MAGEC3: variants seen among roughly 807,000 people sequenced by gnomAD.
MAGEC3 encodes the protein melanoma-associated antigen C3.
In MAGEC3, 34 loss-of-function variants were observed where a neutral mutation model predicts 35.3. The observed-to-expected ratio is 0.96, with a 90% CI of 0.73 to 1.28. The LOEUF is 1.28. Among genes scored for constraint, MAGEC3 ranks in the 50% most tolerant of loss-of-function variants. The pLI, the probability that MAGEC3 is intolerant of heterozygous loss-of-function variation, is 0.00. For missense variants in MAGEC3, 561 were observed against 483.6 expected (o/e 1.16, Z -1.50); for synonymous variants, 202 against 185.6 (o/e 1.09, Z -0.72).
intron 2 of MAGEC3, among the ~76,000 whole-genome samples, chrX:141,867,199 C>T (rs1296562585): frequency 9.0e-6 from 1 of 111,438 alleles, no homozygotes; most frequent in African/African-American, 3.3e-5. Flanking sequence ...ATTACTGTAG[C>T]CTTACAGTTG....
intron 3 of MAGEC3, among the ~76,000 whole-genome samples, 155 bp downstream of exon 3, chrX:141,879,586 C>T (rs758337887): frequency 6.4e-5 from 7 of 108,835 alleles, no homozygotes; most frequent in African/African-American, 1.3e-4. Flanking sequence ...GGAGAAGGGC[C>T]GGGAGGTGGT....
intron 2 of MAGEC3, among the ~76,000 whole-genome samples, chrX:141,867,462 T>C (rs1024071379): frequency 9.0e-6 from 1 of 111,498 alleles, no homozygotes; most frequent in African/African-American, 3.3e-5. Flanking sequence ...ACAGAGGCAG[T>C]CCAAGTCTCT....
At chrX:141,843,454 A>G (rs1476643238) in intron 1 of MAGEC3, among the ~76,000 whole-genome samples, 1 of 111,857 alleles carries the variant, frequency 8.9e-6, no homozygotes, top group African/African-American at 3.2e-5. Flanking sequence ...TCTGACTTGA[A>G]TAAGTTTATT....
At chrX:141,894,103 A>C (rs902063496) in intron 4 of MAGEC3, among the ~76,000 whole-genome samples, 4 of 111,718 alleles carry the variant, frequency 3.6e-5, no homozygotes, top group African/African-American at 1.3e-4. Flanking sequence ...TGAAAGTTAA[A>C]ACTATATGAA....
chrX:141,852,597 G>GGT (rs1281670219), intron 1 of MAGEC3, among the ~76,000 whole-genome samples: 8 of 110,112 alleles, frequency 7.3e-5, no homozygotes, highest in Non-Finnish European at 1.5e-4. Context: ...TCAAGTTGAG[G>GGT]GTGTTTCTCT....
chrX:141,895,639 A>G, intron 6 of MAGEC3, 80 bp downstream of exon 6: 1 of 949,428 alleles, frequency 1.1e-6, no homozygotes, highest in East Asian at 3.6e-5. Flanking sequence ...AGCTTCCCAG[A>G]GATTCCCACC....
chrX:141,895,650 C>A (rs1473252745), intron 6 of MAGEC3, 91 bp downstream of exon 6: 2 of 879,471 alleles, frequency 2.3e-6, no homozygotes, highest in Admixed American at 7.6e-5. Flanking sequence ...GATTCCCACC[C>A]TGCTCCTCAT....
intron 4 of MAGEC3, among the ~76,000 whole-genome samples, chrX:141,892,768 G>A (rs2018052440): frequency 9.0e-6 from 1 of 111,554 alleles, no homozygotes; most frequent in Non-Finnish European, 1.9e-5. Context: ...GCAAACCCTA[G>A]GTAACCTTGG....
intron 1 of MAGEC3, among the ~76,000 whole-genome samples, chrX:141,845,976 G>A (rs796580278): frequency 9.0e-6 from 1 of 110,739 alleles, no homozygotes; most frequent in Non-Finnish European, 1.9e-5. Flanking sequence ...TAAATTTTAA[G>A]CATCTAAAAC....
chrX:141,856,759 T>C (rs927383453), intron 1 of MAGEC3, among the ~76,000 whole-genome samples: 2 of 111,761 alleles, frequency 1.8e-5, no homozygotes, highest in Non-Finnish European at 3.8e-5. Flanking sequence ...CACAGCAACA[T>C]GGATGAGCCT....
intron 2 of MAGEC3, among the ~76,000 whole-genome samples, chrX:141,870,821 C>T (rs2017882927): frequency 8.9e-6 from 1 of 111,779 alleles, no homozygotes; most frequent in African/African-American, 3.3e-5. Flanking sequence ...ACTTCCATAC[C>T]TGTCTGGCCT....
At chrX:141,846,383 T>G (rs2017716856) in intron 1 of MAGEC3, among the ~76,000 whole-genome samples, 1 of 109,828 alleles carries the variant, frequency 9.1e-6, no homozygotes, top group Non-Finnish European at 1.9e-5. Flanking sequence ...AACAGGCGAG[T>G]TGCTACAATA....
At chrX:141,897,563 A>C in intron 7 of MAGEC3, 66 bp from the exon 8 acceptor site, 1 of 1,194,149 alleles carries the variant, frequency 8.4e-7, no homozygotes, top group South Asian at 1.9e-5. Context: ...CAGAGAAAGT[A>C]CCTGGAGTAC....
chrX:141,887,301 A>C (rs2018009720), intron 4 of MAGEC3, among the ~76,000 whole-genome samples: 1 of 112,269 alleles, frequency 8.9e-6, no homozygotes, highest in African/African-American at 3.2e-5. Context: ...TTTCCCTTAC[A>C]CAAGATCACT....
intron 4 of MAGEC3, among the ~76,000 whole-genome samples, chrX:141,882,952 T>A (rs1223839540): frequency 9.0e-6 from 1 of 111,574 alleles, no homozygotes; most frequent in African/African-American, 3.3e-5. Context: ...GGGAGCTGAT[T>A]GTTATGAAGC....
chrX:141,855,628 G>A (rs888461744), intron 1 of MAGEC3, among the ~76,000 whole-genome samples: 3 of 111,464 alleles, frequency 2.7e-5, no homozygotes, highest in African/African-American at 9.8e-5. Context: ...TATATCCTGC[G>A]ACTCAGAATC....
chrX:141,893,271 A>T (rs1345133111), intron 4 of MAGEC3, among the ~76,000 whole-genome samples: 1 of 111,967 alleles, frequency 8.9e-6, no homozygotes, highest in African/African-American at 3.3e-5. Flanking sequence ...TCATAAAAGC[A>T]TAAGGCTAAG....
intron 4 of MAGEC3, among the ~76,000 whole-genome samples, chrX:141,887,003 G>A (rs2018007206): frequency 8.9e-6 from 1 of 112,123 alleles, no homozygotes; most frequent in Non-Finnish European, 1.9e-5. Context: ...GTTGGATCTT[G>A]GAGAATGACA....
rs1228123408 is a variant in MAGEC3 at position 141,896,872 on chromosome X, G to A, written c.1124-10G>A. Reference sequence around the variant, plus strand: ...ACCCTTACCCTCTACTCTCATTCTGGGTGTTCCAGAAGATGAGGATATGCC... The same window carrying A: ...ACCCTTACCCTCTACTCTCATTCTGAGTGTTCCAGAAGATGAGGATATGCC... On this transcript the variant is annotated splice_polypyrimidine_tract_variant and intron_variant, in intron 6 of 7. Transcript: ENST00000298296. The A allele has an allele frequency of 8.4e-7, 1 of 1,192,063 alleles. No homozygotes were observed. The highest frequency in any genetic ancestry group is 3.1e-5 in the East Asian group (1 of 32,674).
Sources: allele counts gnomAD v4.1 joint callset (sites outside exome capture counted in the v4.1 genomes callset), GRCh38; gene constraint gnomAD v4.1.1; transcripts MANE v1.5; gene names NCBI Gene and HGNC (gene_info 2026-07-23, HGNC 2026-07-21).